MROH9: variants seen among roughly 807,000 people sequenced by gnomAD.
MROH9 encodes maestro heat-like repeat-containing protein family member 9.
Under a neutral mutation model 98.2 loss-of-function variants are expected in MROH9, and 92 were observed. The ratio of observed to expected loss-of-function variants is 0.94; its 90% CI spans 0.79 to 1.11. The LOEUF (loss-of-function observed/expected upper bound fraction) is 1.11, where lower values mean the gene tolerates loss of function less well. Ranked by LOEUF, MROH9 falls within the 50% of genes most tolerant of loss-of-function variation. The pLI is 0.00. For synonymous variants in MROH9, 397 were observed against 368.9 expected (o/e 1.08, Z -0.87); for missense variants, 1,057 against 1,014.8 (o/e 1.04, Z -0.57).
intron 9 of MROH9, among the ~76,000 whole-genome samples, chr1:170,984,411 C>T (rs17621857): frequency 0.12 from 17,859 of 152,168 alleles, 1,118 homozygotes; most frequent in South Asian, 0.14. Context: ...CCCAATGGTA[C>T]ATCTTTCCAA....
chr1:170,993,634 A>C (rs1419774448), intron 12 of MROH9, among the ~76,000 whole-genome samples: 1 of 152,198 alleles, frequency 6.6e-6, no homozygotes, highest in Non-Finnish European at 1.5e-5. Flanking sequence ...GTGTATGTCA[A>C]ACCATAAAAG....
At chr1:170,945,271 A>G (rs1436455106) in intron 1 of MROH9, among the ~76,000 whole-genome samples, 1 of 152,102 alleles carries the variant, frequency 6.6e-6, no homozygotes, top group South Asian at 2.1e-4. Context: ...CTCCAAGTTG[A>G]CATCTTGAGT....
intron 3 of MROH9, among the ~76,000 whole-genome samples, chr1:170,956,839 T>G (rs988846406): frequency 6.6e-6 from 1 of 152,066 alleles, no homozygotes; most frequent in African/African-American, 2.4e-5. Context: ...TTGGATGCCC[T>G]TTATTTCTTT....
chr1:170,966,042 CAA>C, intron 7 of MROH9, among the ~76,000 whole-genome samples: 1 of 151,884 alleles, frequency 6.6e-6, no homozygotes, highest in Non-Finnish European at 1.5e-5. Flanking sequence ...TCAAACAATA[CAA>C]AACAGGCATC....
chr1:171,042,762 C>G (rs1653347342), intron 20 of MROH9, among the ~76,000 whole-genome samples: 2 of 152,032 alleles, frequency 1.3e-5, no homozygotes, highest in Non-Finnish European at 2.9e-5. Flanking sequence ...TTTCATATAC[C>G]TGTTTGCCAT....
intron 16 of MROH9, 102 bp downstream of exon 16, chr1:171,014,356 T>A: frequency 4.4e-6 from 5 of 1,130,114 alleles, no homozygotes; most frequent in Non-Finnish European, 4.9e-6. Flanking sequence ...TATTTTTCAG[T>A]CTCTATATAA....
intron 17 of MROH9, among the ~76,000 whole-genome samples, chr1:171,019,760 A>T (rs1652450744): frequency 6.6e-6 from 1 of 152,146 alleles, no homozygotes; most frequent in African/African-American, 2.4e-5. Context: ...ACAAGAAATA[A>T]CCCAAATCAG....
At chr1:171,057,708 C>T (rs1182143567) in intron 20 of MROH9, among the ~76,000 whole-genome samples, 2 of 152,084 alleles carry the variant, frequency 1.3e-5, no homozygotes, top group Admixed American at 6.6e-5. Flanking sequence ...ATGTTAAGGG[C>T]AGCCAGAGAG....
chr1:170,972,526 T>C (rs968773744), intron 8 of MROH9, among the ~76,000 whole-genome samples: 21 of 152,122 alleles, frequency 1.4e-4, no homozygotes, highest in Non-Finnish European at 2.6e-4. Flanking sequence ...ATACATAGTT[T>C]TTGGCAAGGC....
chr1:170,972,825 AAAAT>A (rs1156701033), intron 8 of MROH9, among the ~76,000 whole-genome samples: 2 of 35,576 alleles, frequency 5.6e-5, no homozygotes, highest in African/African-American at 2.3e-4. Context: ...AAAAAAAAAA[AAAAT>A]ACACACACAC....
intron 20 of MROH9, among the ~76,000 whole-genome samples, chr1:171,042,904 T>C (rs546349783): frequency 2.0e-5 from 3 of 152,158 alleles, no homozygotes; most frequent in Admixed American, 6.5e-5. Context: ...GTCAGATAAG[T>C]AGTTTGCAAA....
intron 8 of MROH9, among the ~76,000 whole-genome samples, chr1:170,979,719 C>T (rs1650853265): frequency 6.6e-6 from 1 of 152,068 alleles, no homozygotes; most frequent in Admixed American, 6.6e-5. Context: ...AAAATATTTG[C>T]AAACTACATA....
intron 15 of MROH9, 154 bp downstream of exon 15, chr1:170,998,428 G>A: frequency 6.3e-7 from 1 of 1,591,636 alleles, no homozygotes; most frequent in Non-Finnish European, 8.5e-7. Context: ...ATGGGGAGAG[G>A]TGTGGAGTTA....
intron 1 of MROH9, among the ~76,000 whole-genome samples, chr1:170,940,172 C>G (rs889416958): frequency 6.6e-6 from 1 of 152,180 alleles, no homozygotes; most frequent in African/African-American, 2.4e-5. Flanking sequence ...TAGGAGGTAC[C>G]AGATGCAACA....
At chr1:171,040,146 T>G (rs1653249766) in intron 20 of MROH9, among the ~76,000 whole-genome samples, 1 of 152,076 alleles carries the variant, frequency 6.6e-6, no homozygotes, top group African/African-American at 2.4e-5. Context: ...ATGTGAAATC[T>G]TTTTTAAAAA....
chr1:170,970,781 G>A (rs1408592883), intron 7 of MROH9, among the ~76,000 whole-genome samples: 2 of 136,508 alleles, frequency 1.5e-5, no homozygotes, highest in Non-Finnish European at 3.2e-5. Context: ...AGAGTGGGCA[G>A]GGAGTGGTGA....
chr1:171,037,495 A>G (rs1557908608), intron 20 of MROH9, among the ~76,000 whole-genome samples: 1 of 151,854 alleles, frequency 6.6e-6, no homozygotes, highest in African/African-American at 2.4e-5. Flanking sequence ...CTATTTTAGG[A>G]AAAAAAAGAA....
At chr1:171,057,976 A>G (rs899233215) in intron 20 of MROH9, among the ~76,000 whole-genome samples, 1 of 152,050 alleles carries the variant, frequency 6.6e-6, no homozygotes, top group African/African-American at 2.4e-5. Flanking sequence ...GGGGGAAAAA[A>G]ACACCAAAAT....
At chr1:171,034,347 T>A (rs1450856493) in intron 20 of MROH9, among the ~76,000 whole-genome samples, 1 of 152,204 alleles carries the variant, frequency 6.6e-6, no homozygotes, top group African/African-American at 2.4e-5. Context: ...AACTAATGGA[T>A]GAATGGATGA....
Sources: allele counts gnomAD v4.1 joint callset (sites outside exome capture counted in the v4.1 genomes callset), GRCh38; gene constraint gnomAD v4.1.1; transcripts MANE v1.5; gene names NCBI Gene and HGNC (gene_info 2026-07-23, HGNC 2026-07-21).